The following RFC1 variants were observed in gnomAD, a reference collection of about 807,000 sequenced individuals.
The protein encoded by RFC1 is replication factor C subunit 1.
RFC1 carries 37 observed loss-of-function variants against 137.4 expected under a neutral mutation model. That is an observed-to-expected ratio of 0.27 (90% CI 0.21 to 0.35). The LOEUF is 0.35. Among genes scored for constraint, RFC1 ranks in the 10% least tolerant of loss-of-function variants. The probability of loss-of-function intolerance (pLI) is 1.00; values close to 1 mark genes in which losing one functional copy is unlikely to be tolerated. For synonymous variants in RFC1, 429 were observed against 455.7 expected (o/e 0.94, Z 0.75); for missense variants, 1,205 against 1,358.5 (o/e 0.89, Z 1.78).
intron 15 of RFC1, among the ~76,000 whole-genome samples, chr4:39,303,947 A>G (rs1161675052): frequency 2.6e-5 from 4 of 152,264 alleles, no homozygotes; most frequent in Admixed American, 2.6e-4. Context: ...CCTTATCTAT[A>G]TGGCATATAT....
chr4:39,319,652 T>C (rs1443132298), intron 9 of RFC1, among the ~76,000 whole-genome samples: 16 of 152,110 alleles, frequency 1.1e-4, no homozygotes, highest in Non-Finnish European at 1.5e-5. Context: ...GACTAACACA[T>C]AGCACCAAAA....
intron 2 of RFC1, among the ~76,000 whole-genome samples, chr4:39,350,724 C>T (rs2109755245): frequency 6.6e-6 from 1 of 152,208 alleles, no homozygotes; most frequent in South Asian, 2.1e-4. Flanking sequence ...ACCTACACTA[C>T]AAAAAATGCT....
At chr4:39,348,480 A>AAAAGAAAAGAAAAGT in intron 2 of RFC1, among the ~76,000 whole-genome samples, 1 of 136,916 alleles carries the variant, frequency 7.3e-6, no homozygotes, top group South Asian at 2.4e-4. Context: ...AAAAGAAAAG[A>AAAAGAAAAGAAAAGT]AAAAGCATGT....
At chr4:39,307,735 CA>C (rs5857671) in intron 13 of RFC1, among the ~76,000 whole-genome samples, 3 of 148,312 alleles carry the variant, frequency 2.0e-5, no homozygotes, top group South Asian at 2.1e-4. Context: ...CAAAACAAAA[CA>C]AAAAAAAAAC....
rs1215014726 is a variant in RFC1, at chr4:39,321,274, C to A, written c.808+13G>T. ...GACAAGTGCTCCATCTTACTTTTTT[C>A]TGCTAGTATTACCTTTATGAGGATA... On this transcript the variant is annotated intron_variant, in intron 8 of 24. Coordinates refer to ENST00000349703, the MANE Select transcript of RFC1 (RefSeq NM_002913.5). 1 of 1,597,208 alleles carries A rather than the reference C, an allele frequency of 6.3e-7. No individual in the cohort carries two copies. The highest frequency in any genetic ancestry group is 8.6e-7 in the Non-Finnish European group (1 of 1,168,680).
intron 12 of RFC1, 69 bp downstream of exon 12, chr4:39,311,376 C>A: frequency 1.5e-6 from 2 of 1,303,714 alleles, no homozygotes; most frequent in South Asian, 1.2e-5. Context: ...TGTATCCACC[C>A]AAGACATATG....
rs997069070 is a variant in RFC1 at position 39,299,955 on chromosome 4, G to T, written c.2808+66C>A. The T allele has an allele frequency of 3.7e-5, 34 of 910,194 alleles. No individual in the cohort carries two copies. The African/African-American group carries it at 4.5e-4, about 12-fold the overall frequency. The allele number at this position is 910,194 out of a possible 1,614,324, so 56.4% of individuals were successfully genotyped here. Reference sequence around the variant, plus strand: ...AAAATAAAATAAAATAAGTACAGCAGCTAAAAGCTATTTAGTTCTCTTAGT... The same window carrying T: ...AAAATAAAATAAAATAAGTACAGCATCTAAAAGCTATTTAGTTCTCTTAGT... On this transcript the variant is annotated intron_variant, in intron 21 of 24. Transcript: ENST00000349703.
At chr4:39,328,486 T>A (rs1379512405) in intron 4 of RFC1, among the ~76,000 whole-genome samples, 1 of 152,208 alleles carries the variant, frequency 6.6e-6, no homozygotes, top group Non-Finnish European at 1.5e-5. Flanking sequence ...GATAAGGTAG[T>A]GAGGGAATGC....
In RFC1 at chr4:39,320,366, AAAAAC is replaced by A. The variant is rs773388155; in HGVS notation, c.1095+12_1095+16del. 35 of 1,486,792 alleles carry A rather than the reference AAAAAC, an allele frequency of 2.4e-5. No individual in the cohort carries two copies. The highest frequency in any genetic ancestry group is 1.6e-4 in the Admixed American group (6 of 38,240). 92.1% of individuals were successfully genotyped at this position (1,486,792 alleles called of 1,614,324 possible). A position where few individuals can be genotyped will look rare whatever the true frequency, so the allele number is the denominator to read the frequency against. The stretch of plus-strand genomic sequence containing the variant: ...CTCCATCTCAAAAAAAAAAAAAAAA[AAAAAC>A]AAAGTTCTTACCTCTTTTTTAGCTG... On this transcript the variant is annotated intron_variant, in intron 9 of 24. Coordinates refer to ENST00000349703, the MANE Select transcript of RFC1 (RefSeq NM_002913.5).
intron 4 of RFC1, among the ~76,000 whole-genome samples, chr4:39,331,126 A>G (rs1740082231): frequency 6.6e-6 from 1 of 152,186 alleles, no homozygotes; most frequent in Non-Finnish European, 1.5e-5. Flanking sequence ...CACAATGATC[A>G]TGGTATTATA....
chr4:39,354,389 A>C (rs763409321), intron 1 of RFC1, among the ~76,000 whole-genome samples: 1 of 152,206 alleles, frequency 6.6e-6, no homozygotes, highest in Non-Finnish European at 1.5e-5. Flanking sequence ...ACCTTCAAAG[A>C]CTTCATGAAA....
At chr4:39,348,423 A>AAAAAAGAAAAAG (rs1740975979) in intron 2 of RFC1, among the ~76,000 whole-genome samples, 1 of 116,692 alleles carries the variant, frequency 8.6e-6, no homozygotes, top group Non-Finnish European at 1.9e-5. Context: ...ACTCTGTTTC[A>AAAAAAGAAAAAG]AAAAAGAAAA....
chr4:39,345,526 C>CTTT, intron 2 of RFC1, 50 bp from the exon 3 acceptor site: 17 of 1,164,098 alleles, frequency 1.5e-5, no homozygotes, highest in Middle Eastern at 2.8e-4. Context: ...ATATAACTAT[C>CTTT]TTTTTTTTTT....
intron 2 of RFC1, among the ~76,000 whole-genome samples, chr4:39,348,443 A>AGGAAAGGAAAGGAAAG (rs1740996794): frequency 8.1e-6 from 1 of 122,866 alleles, no homozygotes; most frequent in Non-Finnish European, 1.9e-5. Context: ...AGAAAAGAAA[A>AGGAAAGGAAAGGAAAG]GAAAAGAAAA....
intron 7 of RFC1, chr4:39,322,380 C>A (rs12507790): frequency 0.38 from 57,148 of 151,548 alleles, 13,015 homozygotes; most frequent in East Asian, 0.63. Flanking sequence ...TGCACTCCAG[C>A]GTGGGTGACA....
At chr4:39,351,822 G>C (rs1741221982) in intron 1 of RFC1, among the ~76,000 whole-genome samples, 1 of 151,992 alleles carries the variant, frequency 6.6e-6, no homozygotes, top group South Asian at 2.1e-4. Context: ...AATTAGCTGG[G>C]CATGGTGGCA....
At position 39,330,651 on chromosome 4, in the gene RFC1, A is replaced by G. The variant is rs139631613; in HGVS notation, c.332-2895T>C. Among the ~76,000 whole-genome samples, 503 of 152,318 alleles carry G rather than the reference A, an allele frequency of 3.3e-3. 2 individuals are homozygous for G. The highest frequency in any genetic ancestry group is 0.012 in the African/African-American group (480 of 41,568). ...TGCAAAAGGTTTATTTCTACATTCAATGAGATAAGTTAGCAGGCTCCTAAT... is the reference window on the plus strand; with the variant it reads ...TGCAAAAGGTTTATTTCTACATTCAGTGAGATAAGTTAGCAGGCTCCTAAT... On this transcript the variant is annotated intron_variant, in intron 4 of 24. Transcript: ENST00000349703.
intron 21 of RFC1, 42 bp downstream of exon 21, chr4:39,299,979 G>C (rs201832908): frequency 1.7e-6 from 2 of 1,151,042 alleles, no homozygotes; most frequent in Non-Finnish European, 2.6e-6. Flanking sequence ...AGTTCTCTTA[G>C]TAAAAGCAGA....
chr4:39,305,640 T>A (rs992532475), intron 14 of RFC1, among the ~76,000 whole-genome samples: 1 of 151,986 alleles, frequency 6.6e-6, no homozygotes, highest in Non-Finnish European at 1.5e-5. Flanking sequence ...TATCAAAAAG[T>A]AATCCTCTCT....
Sources: gnomAD v4.1 joint callset for allele counts (sites outside exome capture counted in the v4.1 genomes callset) on GRCh38, gnomAD v4.1.1 for gene constraint, MANE v1.5 for transcripts, NCBI Gene and HGNC (gene_info 2026-07-23, HGNC 2026-07-21) for gene names.